The following KAT8 variants were observed in gnomAD, a reference collection of about 807,000 sequenced individuals.
KAT8 encodes lysine acetyltransferase 8, also known as histone acetyltransferase KAT8.
KAT8 carries 40 observed loss-of-function variants against 62.9 expected under a neutral mutation model. The observed-to-expected ratio is 0.64, with a 90% CI of 0.49 to 0.83. The LOEUF (loss-of-function observed/expected upper bound fraction) is 0.83. KAT8 is among the 40% of genes least tolerant of loss of function. KAT8 has a pLI of 0.00. For synonymous variants in KAT8, 278 were observed against 254.5 expected, an observed-to-expected ratio of 1.09 and a Z score of -0.88; for missense variants, 387 against 614.8, an observed-to-expected ratio of 0.63 and a Z score of 3.92.
At chr16:31,126,292 T>G (rs993774984) in intron 3 of KAT8, 1 of 152,132 alleles carries the variant, frequency 6.6e-6, no homozygotes, top group African/African-American at 2.4e-5. Flanking sequence ...GGCGGCCTAG[T>G]AAATTGTCCA....
At position 31,131,247 on chromosome 16, in the gene KAT8, C is replaced by T; in HGVS notation, c.1365C>T (p.Leu455=). ...CCCCCAAGCACAAGCAAGTCAAGCT[C>T]TCCAAGAAGTGAGCAGCCTGGCCCC... is the stretch of plus-strand genomic sequence containing the variant. ...WAPPKHKQVK[L]SKK is the part of the protein sequence containing the mutation. Residue 455 remains leucine, a synonymous_variant, in exon 11 of 11, where the codon CTC becomes CTT. Coordinates refer to ENST00000219797, the MANE Select transcript of KAT8 (RefSeq NM_032188.3). 2 of 1,614,220 alleles carry T rather than the reference C, an allele frequency of 1.2e-6. No individual in the cohort carries two copies. The highest frequency in any genetic ancestry group is 2.2e-5 in the South Asian group (2 of 91,082).
chr16:31,130,998 A>G lies in KAT8; in HGVS notation c.1312+98A>G, dbSNP rs1047534688. On this transcript the variant is annotated intron_variant, in intron 10 of 10. Transcript: ENST00000219797. Reference sequence around the variant, plus strand: ...TCCTTATTGCTGTCACATGATCCCAAACCAGTCAGACCAGCTCCCAGGATG... The same window carrying G: ...TCCTTATTGCTGTCACATGATCCCAGACCAGTCAGACCAGCTCCCAGGATG... The G allele has an allele frequency of 3.9e-6, 6 of 1,532,098 alleles. No individual in the cohort carries two copies. The African/African-American group carries it at 8.2e-5, about 21-fold the overall frequency. 94.9% of individuals were successfully genotyped at this position (1,532,098 alleles called of 1,614,324 possible).
chr16:31,122,962 A>G (rs1346699813), intron 3 of KAT8, among the ~76,000 whole-genome samples: 2 of 151,944 alleles, frequency 1.3e-5, no homozygotes, highest in Non-Finnish European at 2.9e-5. Context: ...TGGGTGGATC[A>G]CTTAAGGTCA....
chr16:31,121,966 G>T (rs2057496965), intron 3 of KAT8, among the ~76,000 whole-genome samples: 1 of 151,902 alleles, frequency 6.6e-6, no homozygotes, highest in African/African-American at 2.4e-5. Context: ...GCCCACACTA[G>T]TCTCAAACTC....
At chr16:31,120,086 T>C (rs1234519825) in intron 1 of KAT8, 100 bp from the exon 2 acceptor site, 11 of 917,156 alleles carry the variant, frequency 1.2e-5, no homozygotes, top group Non-Finnish European at 1.8e-5. Flanking sequence ...TGAGGTTAGC[T>C]GATGTGTGGC....
In KAT8 at chr16:31,130,592, C is replaced by T. The variant is rs1286107846; in HGVS notation, c.1143C>T (p.Ser381=). ...TGCGGGACTTCCGGGGCACACTGTCCATCAAGGACCTCAGGTGAGGGGGCC... is the reference window on the plus strand; with the variant it reads ...TGCGGGACTTCCGGGGCACACTGTCTATCAAGGACCTCAGGTGAGGGGGCC... ...EILRDFRGTL[S]IKDLSQMTSI... Residue 381 remains serine (S), a synonymous_variant, in exon 9 of 11, where the codon TCC becomes TCT. Coordinates refer to ENST00000219797, the MANE Select transcript of KAT8 (RefSeq NM_032188.3). The T allele has an allele frequency of 1.2e-6, 2 of 1,614,152 alleles. No homozygotes were observed. The highest frequency in any genetic ancestry group is 1.7e-6 in the Non-Finnish European group (2 of 1,179,998).
Position 31,124,268 on chromosome 16 carries a change from C to T in KAT8, c.463-2767C>T, listed in dbSNP as rs138553155. On this transcript the variant is annotated intron_variant, in intron 3 of 10. Transcript: ENST00000219797. ...CTGTGACCTTGGGCAAGTGACCTCA[C>T]CTCTTTGTGCCTCAGTTTTCTCTCA... Among the ~76,000 whole-genome samples the T allele has an allele frequency of 2.4e-3, 362 of 152,358 alleles. 1 individual carries two copies. Among genetic ancestry groups the T allele is most frequent in the Non-Finnish European group, 3.7e-3 (250 of 68,042 alleles).
intron 1 of KAT8, among the ~76,000 whole-genome samples, chr16:31,118,906 C>T (rs2143963341): frequency 8.0e-6 from 1 of 124,832 alleles, no homozygotes; most frequent in Middle Eastern, 5.2e-3. Flanking sequence ...TTTTTTGAGA[C>T]AGGATCTCGC....
At position 31,127,701 on chromosome 16, in the gene KAT8, G is replaced by C. The variant is rs556755250; in HGVS notation, c.681+348G>C. Reference sequence around the variant, plus strand: ...GGATGAAATTGGGGGCTGTCAGGAAGGGGCGCTCTCATCACTGACACAGTG... The same window carrying C: ...GGATGAAATTGGGGGCTGTCAGGAACGGGCGCTCTCATCACTGACACAGTG... On this transcript the variant is annotated intron_variant, in intron 5 of 10. Coordinates refer to ENST00000219797, the MANE Select transcript of KAT8 (RefSeq NM_032188.3). 6.6e-5 allele frequency among the ~76,000 whole-genome samples: 10 copies of C among 152,326 alleles called. No homozygotes were observed. In the South Asian group the frequency reaches 2.1e-3, roughly 32 times the overall value.
At position 31,127,089 on chromosome 16, in the gene KAT8, G is replaced by A. The variant is rs1269023673; in HGVS notation, c.516+1G>A. ...AGCCTTGGAGAAGGAGCATGAGGCG[G>A]TAAGTGGGGCTGGGAAGCTGCCTGC... On this transcript the variant is annotated splice_donor_variant, in intron 4 of 10. Coordinates refer to ENST00000219797, the MANE Select transcript of KAT8 (RefSeq NM_032188.3). LOFTEE classifies it high-confidence loss of function. The A allele has an allele frequency of 6.2e-7, 1 of 1,614,186 alleles. No homozygotes were observed. The highest frequency in any genetic ancestry group is 1.1e-5 in the South Asian group (1 of 91,088).
chr16:31,129,123 T>G (rs907318753), intron 6 of KAT8, among the ~76,000 whole-genome samples: 4 of 152,198 alleles, frequency 2.6e-5, no homozygotes, highest in African/African-American at 9.7e-5. Context: ...CCTAGTTGTG[T>G]TGTTAGTGGA....
In KAT8 at chr16:31,117,783, C is replaced by A. The variant is rs1411909769; in HGVS notation, c.102C>A (p.Thr34=). 1.0e-5 allele frequency: 14 copies of A among 1,398,176 alleles called. No homozygotes were observed. The highest frequency in any genetic ancestry group is 3.1e-5 in the Admixed American group (1 of 32,182). The allele number at this position is 1,398,176 out of a possible 1,614,324, so 86.6% of individuals were successfully genotyped here. ...GGGAGAATGCGGCCGCTGAGGGGAC[C>A]GCCCCATCCCCGGGCCGCGTCTCTC... ...GPGENAAAEG[T]APSPGRVSPP... The change falls in exon 1 of 11, where the codon ACC becomes ACA. Residue 34 remains threonine (T), a synonymous_variant. Coordinates refer to ENST00000219797, the MANE Select transcript of KAT8 (RefSeq NM_032188.3).
At chr16:31,123,418 T>A (rs997201471) in intron 3 of KAT8, among the ~76,000 whole-genome samples, 2 of 151,698 alleles carry the variant, frequency 1.3e-5, no homozygotes, top group African/African-American at 4.8e-5. Flanking sequence ...GGTTTCACTA[T>A]GTTTGGCCTC....
chr16:31,120,673 T>C (rs1178203672), intron 3 of KAT8, 159 bp downstream of exon 3: 1 of 671,310 alleles, frequency 1.5e-6, no homozygotes, highest in Non-Finnish European at 2.4e-6. Context: ...TTACTTTTCA[T>C]AGGTAAGAAA....
intron 3 of KAT8, among the ~76,000 whole-genome samples, chr16:31,124,727 A>T (rs1415529509): frequency 1.2e-5 from 1 of 86,264 alleles, no homozygotes; most frequent in East Asian, 4.5e-4. Flanking sequence ...GCGAGGCTCC[A>T]TTTCAAAAAA....
intron 1 of KAT8, chr16:31,118,317 T>A (rs990557008): frequency 6.2e-6 from 1 of 160,140 alleles, no homozygotes; most frequent in African/African-American, 2.4e-5. Flanking sequence ...TGCTGCCTTC[T>A]CTCATTTTCA....
intron 4 of KAT8, 34 bp from the exon 5 acceptor site, chr16:31,127,155 C>T (rs755051379): frequency 2.6e-5 from 42 of 1,609,476 alleles, no homozygotes; most frequent in South Asian, 4.4e-5. Flanking sequence ...CCTGCTGAGC[C>T]GTGCACTGTG....
rs777299423 is a variant in KAT8 at position 31,130,091 on chromosome 16, G to A, written c.846G>A (p.Pro282=). 3.4e-5 allele frequency: 54 copies of A among 1,600,144 alleles called. No homozygotes were observed. Among genetic ancestry groups the A allele is most frequent in the East Asian group, 4.6e-5 (2 of 43,880 alleles). Residue 282 remains proline, a synonymous_variant, in exon 7 of 11, where the codon CCG becomes CCA. Transcript: ENST00000219797. The stretch of plus-strand genomic sequence containing the variant: ...AGACACTGTACTTTGACGTGGAGCC[G>A]TTCGTCTTTTACATCCTGACTGAGG... The part of the protein sequence containing the change: ...DHKTLYFDVE[P]FVFYILTEVD...
intron 3 of KAT8, among the ~76,000 whole-genome samples, chr16:31,125,367 T>A (rs1367216527): frequency 1.3e-5 from 2 of 151,582 alleles, no homozygotes; most frequent in Non-Finnish European, 2.9e-5. Context: ...ACTTTGGGAG[T>A]GCGAGGCTGG....
Sources: gnomAD v4.1 joint callset for allele counts (sites outside exome capture counted in the v4.1 genomes callset) on GRCh38, gnomAD v4.1.1 for gene constraint, MANE v1.5 for transcripts, NCBI Gene and HGNC (gene_info 2026-07-23, HGNC 2026-07-21) for gene names.